The following CDCP1 variants were observed in gnomAD, a reference collection of about 807,000 sequenced individuals.
The protein encoded by CDCP1 is CUB domain containing protein 1.
Under a neutral mutation model 60.2 loss-of-function variants are expected in CDCP1, and 29 were observed. The ratio of observed to expected loss-of-function variants is 0.48; its 90% CI spans 0.36 to 0.66. The LOEUF is 0.66. Ranked by LOEUF, CDCP1 falls within the 30% of genes least tolerant of loss-of-function variation. The probability of loss-of-function intolerance (pLI) is 0.00; values close to 1 mark genes in which losing one functional copy is unlikely to be tolerated. For missense variants in CDCP1, 876 were observed against 1,074.3 expected (o/e 0.82, Z 2.58); for synonymous variants, 387 against 431.1 (o/e 0.90, Z 1.27).
At chr3:45,117,123 T>A (rs754587036) in intron 2 of CDCP1, among the ~76,000 whole-genome samples, 11 of 152,216 alleles carry the variant, frequency 7.2e-5, no homozygotes, top group Non-Finnish European at 1.5e-4. Context: ...ACTTTTGAAT[T>A]CCTTCTTCCT....
chr3:45,119,119 G>A (rs1358590511), intron 1 of CDCP1, among the ~76,000 whole-genome samples: 1 of 152,150 alleles, frequency 6.6e-6, no homozygotes, highest in Non-Finnish European at 1.5e-5. Context: ...ACATATGTAT[G>A]TACGTATGGT....
chr3:45,114,552 C>T (rs944412124), intron 2 of CDCP1, among the ~76,000 whole-genome samples: 2 of 151,960 alleles, frequency 1.3e-5, no homozygotes, highest in East Asian at 1.9e-4. Context: ...GTAGCTGGGA[C>T]TATAGGTGTG....
intron 1 of CDCP1, among the ~76,000 whole-genome samples, chr3:45,127,783 A>G (rs1434448565): frequency 6.6e-6 from 1 of 152,232 alleles, no homozygotes; most frequent in Non-Finnish European, 1.5e-5. Context: ...GAGCCTGTCA[A>G]GACAGCAGGG....
Position 45,095,385 on chromosome 3 carries a change from T to C in CDCP1, c.1208A>G (p.Asp403Gly), listed in dbSNP as rs1698380616. The change falls in exon 5 of 9, where the codon GAT becomes GGT. Residue 403 changes from aspartate to glycine, a missense_variant. Coordinates refer to ENST00000296129, the MANE Select transcript of CDCP1 (RefSeq NM_022842.5). ...CACATTCATCCACAGACGTGTCAGA[T>C]CATCACAAAGGAAGGAGATTTTGTG... Reference protein sequence around the residue: ...SKHKISFLCDDLTRLWMNVEK... With the variant: ...SKHKISFLCDGLTRLWMNVEK... 1 of 1,614,182 alleles carries C rather than the reference T, an allele frequency of 6.2e-7. No individual in the cohort carries two copies. Among genetic ancestry groups the C allele is most frequent in the South Asian group, 1.1e-5 (1 of 91,084 alleles).
At chr3:45,108,235 A>G (rs1450061317) in intron 4 of CDCP1, among the ~76,000 whole-genome samples, 1 of 152,198 alleles carries the variant, frequency 6.6e-6, no homozygotes, top group Non-Finnish European at 1.5e-5. Flanking sequence ...CAGAGGATCA[A>G]GATGAAGCTG....
At chr3:45,146,133 C>T in intron 1 of CDCP1, 73 bp downstream of exon 1, 1 of 1,376,358 alleles carries the variant, frequency 7.3e-7, no homozygotes, top group Non-Finnish European at 9.9e-7. Flanking sequence ...CCCTCGGCCG[C>T]ATCTCCGCCG....
chr3:45,097,983 CTG>C (rs762252810), intron 4 of CDCP1, among the ~76,000 whole-genome samples: 1 of 152,096 alleles, frequency 6.6e-6, no homozygotes, highest in Non-Finnish European at 1.5e-5. Flanking sequence ...TCATTTCTTA[CTG>C]TCTTTCAAAA....
At chr3:45,131,611 G>T (rs1324431937) in intron 1 of CDCP1, among the ~76,000 whole-genome samples, 4 of 152,030 alleles carry the variant, frequency 2.6e-5, no homozygotes, top group Non-Finnish European at 5.9e-5. Flanking sequence ...TACTAATTTG[G>T]ATGCCAACCA....
chr3:45,137,473 G>A (rs1197933879), intron 1 of CDCP1, among the ~76,000 whole-genome samples: 1 of 151,916 alleles, frequency 6.6e-6, no homozygotes, highest in Non-Finnish European at 1.5e-5. Flanking sequence ...GGTTGTGGTG[G>A]GCTTCTGCAA....
chr3:45,112,019 A>T (rs1698702179), intron 3 of CDCP1, 64 bp downstream of exon 3: 5 of 1,560,690 alleles, frequency 3.2e-6, no homozygotes, highest in South Asian at 1.2e-5. Flanking sequence ...ACCATTTCTG[A>T]CCTAGAACAA....
intron 4 of CDCP1, among the ~76,000 whole-genome samples, chr3:45,103,303 G>A (rs941209002): frequency 2.6e-5 from 4 of 152,142 alleles, no homozygotes; most frequent in Admixed American, 1.3e-4. Context: ...CCATGTTGCT[G>A]TGGGTATCAG....
At chr3:45,111,812 G>A (rs770655740) in intron 3 of CDCP1, among the ~76,000 whole-genome samples, 4 of 152,234 alleles carry the variant, frequency 2.6e-5, no homozygotes, top group African/African-American at 4.8e-5. Flanking sequence ...AGCAATCAAG[G>A]TGGGTCTGTA....
In CDCP1 at chr3:45,112,255, G is replaced by A; in HGVS notation, c.483C>T (p.His161=). 6.2e-7 allele frequency: 1 copy of A among 1,614,242 alleles called. No homozygotes were observed. Among genetic ancestry groups the A allele is most frequent in the South Asian group, 1.1e-5 (1 of 91,090 alleles). Residue 161 remains histidine (H), a synonymous_variant, in exon 3 of 9, where the codon CAC becomes CAT. Coordinates refer to ENST00000296129, the MANE Select transcript of CDCP1 (RefSeq NM_022842.5). Reference sequence around the variant, plus strand: ...TGGCATCGATTCGGCCGCTGATGGAGTGAGTGACTCCGTCTGGGCAGCTCT... The same window carrying A: ...TGGCATCGATTCGGCCGCTGATGGAATGAGTGACTCCGTCTGGGCAGCTCT... The part of the protein sequence containing the change: ...PGESCPDGVT[H]SISGRIDATV...
intron 1 of CDCP1, among the ~76,000 whole-genome samples, chr3:45,122,805 C>T (rs1481037277): frequency 6.6e-6 from 1 of 152,146 alleles, no homozygotes; most frequent in African/African-American, 2.4e-5. Flanking sequence ...ATTCGACAAA[C>T]ATTTTCTGGG....
intron 1 of CDCP1, among the ~76,000 whole-genome samples, chr3:45,123,407 A>C (rs1698919598): frequency 6.6e-6 from 1 of 152,182 alleles, no homozygotes; most frequent in Admixed American, 6.5e-5. Context: ...AACTAAGCTA[A>C]AGACACATGA....
chr3:45,108,381 G>A (rs776641663), intron 4 of CDCP1, among the ~76,000 whole-genome samples: 2 of 152,084 alleles, frequency 1.3e-5, no homozygotes, highest in Non-Finnish European at 2.9e-5. Context: ...ACCTCTCAAC[G>A]GCAGTTATTG....
intron 1 of CDCP1, among the ~76,000 whole-genome samples, chr3:45,141,651 T>C (rs1699292109): frequency 6.6e-6 from 1 of 152,164 alleles, no homozygotes; most frequent in Non-Finnish European, 1.5e-5. Flanking sequence ...TAAAGACTGA[T>C]GGACCAGATA....
chr3:45,096,051 G>A (rs1698392074), intron 4 of CDCP1, among the ~76,000 whole-genome samples: 3 of 152,334 alleles, frequency 2.0e-5, no homozygotes, highest in African/African-American at 7.2e-5. Context: ...CTCAGATGGG[G>A]GGAAATGTAG....
chr3:45,135,624 A>AT (rs1269271474), intron 1 of CDCP1, among the ~76,000 whole-genome samples: 2 of 152,194 alleles, frequency 1.3e-5, no homozygotes, highest in East Asian at 3.9e-4. Context: ...GGGAAATGCC[A>AT]TTTTAAATAT....
Sources: gnomAD v4.1 joint callset for allele counts (sites outside exome capture counted in the v4.1 genomes callset) on GRCh38, gnomAD v4.1.1 for gene constraint, MANE v1.5 for transcripts, NCBI Gene and HGNC (gene_info 2026-07-23, HGNC 2026-07-21) for gene names.